CAMK2D: variants seen among roughly 807,000 people sequenced by gnomAD.
The protein encoded by CAMK2D is calcium/calmodulin dependent protein kinase II delta, also known as calcium/calmodulin-dependent protein kinase type II subunit delta.
A neutral mutation model predicts 84.0 loss-of-function variants in CAMK2D; 37 were observed. That is an observed-to-expected ratio of 0.44 (90% CI 0.34 to 0.58). CAMK2D has a LOEUF of 0.58. CAMK2D is among the 20% of genes least tolerant of loss of function. The pLI, the probability that CAMK2D is intolerant of heterozygous loss-of-function variation, is 0.02. For missense variants in CAMK2D, 448 were observed against 652.5 expected (o/e 0.69, Z 3.41); for synonymous variants, 202 against 212.5 (o/e 0.95, Z 0.43).
chr4:113,574,973 T>C (rs536638059), intron 4 of CAMK2D, among the ~76,000 whole-genome samples: 1 of 152,216 alleles, frequency 6.6e-6, no homozygotes, highest in South Asian at 2.1e-4. Flanking sequence ...TGAAATCAGT[T>C]GAAGAAAAAA....
intron 2 of CAMK2D, among the ~76,000 whole-genome samples, chr4:113,689,969 A>G: frequency 6.6e-6 from 1 of 152,194 alleles, no homozygotes; most frequent in South Asian, 2.1e-4. Flanking sequence ...TATTTTTTGA[A>G]CATATAACCA....
chr4:113,615,666 T>C (rs1290208313), intron 3 of CAMK2D, among the ~76,000 whole-genome samples: 1 of 152,114 alleles, frequency 6.6e-6, no homozygotes, highest in African/African-American at 2.4e-5. Flanking sequence ...TTAGAAAAAA[T>C]ATATGCTGTT....
At chr4:113,665,529 C>T (rs1229820190) in intron 2 of CAMK2D, among the ~76,000 whole-genome samples, 1 of 152,164 alleles carries the variant, frequency 6.6e-6, no homozygotes, top group Non-Finnish European at 1.5e-5. Flanking sequence ...TCATCATTCC[C>T]AGCTCTGACA....
intron 5 of CAMK2D, among the ~76,000 whole-genome samples, chr4:113,551,663 T>G (rs1229153350): frequency 6.6e-6 from 1 of 152,212 alleles, no homozygotes; most frequent in Non-Finnish European, 1.5e-5. Flanking sequence ...TTTTAATTAA[T>G]TGAAATTGCA....
chr4:113,503,298 T>G (rs1417822974), intron 14 of CAMK2D: 4 of 578,662 alleles, frequency 6.9e-6, no homozygotes, highest in Non-Finnish European at 1.3e-5. Context: ...TCCTTTCTTC[T>G]TTAATGAGTG....
intron 20 of CAMK2D, 29 bp from the exon 21 acceptor site, chr4:113,454,544 A>C (rs1270519295): frequency 1.3e-6 from 1 of 777,132 alleles, no homozygotes; most frequent in South Asian, 1.3e-5. Context: ...AGGAAGAAAT[A>C]AATTATATTG....
intron 2 of CAMK2D, among the ~76,000 whole-genome samples, chr4:113,715,287 G>A (rs141187761): frequency 6.6e-6 from 1 of 152,116 alleles, no homozygotes; most frequent in African/African-American, 2.4e-5. Flanking sequence ...TTCTTTTCCA[G>A]TATGAAACCT....
intron 4 of CAMK2D, among the ~76,000 whole-genome samples, chr4:113,588,144 C>A (rs1273895213): frequency 6.6e-6 from 1 of 151,938 alleles, no homozygotes; most frequent in Non-Finnish European, 1.5e-5. Context: ...ATATACGTTG[C>A]ATGTTTCAGT....
At chr4:113,556,006 C>T (rs2098662180) in intron 4 of CAMK2D, among the ~76,000 whole-genome samples, 1 of 152,102 alleles carries the variant, frequency 6.6e-6, no homozygotes, top group African/African-American at 2.4e-5. Context: ...ACCACGCTGG[C>T]ACGCTGATAC....
At chr4:113,679,866 T>C (rs144968296) in intron 2 of CAMK2D, among the ~76,000 whole-genome samples, 1 of 152,288 alleles carries the variant, frequency 6.6e-6, no homozygotes, top group East Asian at 1.9e-4. Context: ...GAAAGGCCTC[T>C]CACAATGATT....
At chr4:113,555,736 T>G (rs1283145978) in intron 4 of CAMK2D, among the ~76,000 whole-genome samples, 1 of 152,104 alleles carries the variant, frequency 6.6e-6, no homozygotes, top group South Asian at 2.1e-4. Context: ...ACAATAAATA[T>G]TCATTGGGTG....
intron 3 of CAMK2D, among the ~76,000 whole-genome samples, chr4:113,624,329 C>A (rs930889870): frequency 6.6e-6 from 1 of 152,112 alleles, no homozygotes; most frequent in Non-Finnish European, 1.5e-5. Flanking sequence ...AATAAGCAAG[C>A]AAACTTGAAT....
intron 2 of CAMK2D, among the ~76,000 whole-genome samples, chr4:113,753,009 T>C (rs1209479092): frequency 6.6e-6 from 1 of 152,034 alleles, no homozygotes; most frequent in East Asian, 1.9e-4. Flanking sequence ...TACAGACAGA[T>C]TAAGATAAGT....
intron 2 of CAMK2D, chr4:113,754,502 A>C: frequency 4.3e-6 from 4 of 940,458 alleles, no homozygotes; most frequent in Non-Finnish European, 5.1e-6. Context: ...TTTATTCAAC[A>C]TTTCAATGGA....
intron 2 of CAMK2D, 89 bp downstream of exon 2, chr4:113,759,231 T>C: frequency 1.4e-6 from 1 of 737,502 alleles, no homozygotes; most frequent in East Asian, 2.6e-5. Flanking sequence ...AGTTCAGTTA[T>C]AACTACATGA....
chr4:113,609,220 A>C lies in CAMK2D; in HGVS notation c.221-14T>G. Reference sequence around the variant, plus strand: ...CATGAAGTCGCACTAGAAAAAAATAAGAGAAGAAAAATTGTGTTATACCTA... The same window carrying C: ...CATGAAGTCGCACTAGAAAAAAATACGAGAAGAAAAATTGTGTTATACCTA... On this transcript the variant is annotated splice_polypyrimidine_tract_variant and intron_variant, in intron 3 of 20. Coordinates refer to ENST00000511664, the MANE Select transcript of CAMK2D (RefSeq NM_001321571.2). 1 of 1,502,858 alleles carries C rather than the reference A, an allele frequency of 6.7e-7. No individual in the cohort carries two copies. Among genetic ancestry groups the C allele is most frequent in the African/African-American group, 1.4e-5 (1 of 72,868 alleles). 93.1% of individuals were successfully genotyped at this position (1,502,858 alleles called of 1,614,324 possible).
chr4:113,760,089 A>C (rs2099637293), intron 1 of CAMK2D, among the ~76,000 whole-genome samples: 1 of 152,206 alleles, frequency 6.6e-6, no homozygotes, highest in East Asian at 1.9e-4. Flanking sequence ...CTCCTTTCAT[A>C]AAAGTAACAG....
At chr4:113,459,812 G>A (rs866969815) in intron 18 of CAMK2D, among the ~76,000 whole-genome samples, 7 of 151,790 alleles carry the variant, frequency 4.6e-5, no homozygotes, top group Admixed American at 2.0e-4. Flanking sequence ...TTTTAGTAGA[G>A]ATGAGCCTTT....
At chr4:113,485,241 T>C (rs2097755034) in intron 16 of CAMK2D, among the ~76,000 whole-genome samples, 1 of 152,246 alleles carries the variant, frequency 6.6e-6, no homozygotes, top group Non-Finnish European at 1.5e-5. Flanking sequence ...TGGTAGAAAC[T>C]ATGAGCCTTG....
Sources: gnomAD v4.1 joint callset for allele counts (sites outside exome capture counted in the v4.1 genomes callset) on GRCh38, gnomAD v4.1.1 for gene constraint, MANE v1.5 for transcripts, NCBI Gene and HGNC (gene_info 2026-07-23, HGNC 2026-07-21) for gene names.